Variants in CIMIP6 observed in about 807,000 individuals in gnomAD.
CIMIP6 encodes the protein uncharacterized protein C2orf73.
the CIMIP6 span, among the ~76,000 whole-genome samples, chr2:54,336,128 C>T: frequency 6.6e-6 from 1 of 152,188 alleles, no homozygotes; most frequent in Non-Finnish European, 1.5e-5. Flanking sequence ...CCTACCCTTA[C>T]ACAGTAAATT....
the CIMIP6 span, among the ~76,000 whole-genome samples, chr2:54,354,830 CA>C: frequency 9.2e-5 from 14 of 151,584 alleles, no homozygotes; most frequent in African/African-American, 3.4e-4. Flanking sequence ...TAGTATTCAC[CA>C]GGGGCTCCAT....
the CIMIP6 span, among the ~76,000 whole-genome samples, chr2:54,349,533 AT>A: frequency 6.6e-6 from 1 of 152,236 alleles, no homozygotes; most frequent in East Asian, 1.9e-4. Context: ...CAGAGAGTGG[AT>A]TTCAAACATT....
the CIMIP6 span, among the ~76,000 whole-genome samples, chr2:54,372,402 C>T: frequency 9.9e-5 from 15 of 152,262 alleles, no homozygotes; most frequent in South Asian, 2.1e-3. Flanking sequence ...TGTCACTCAT[C>T]GTGGTGGTTG....
At chr2:54,373,116 T>C in the CIMIP6 span, among the ~76,000 whole-genome samples, 16 of 152,124 alleles carry the variant, frequency 1.1e-4, no homozygotes, top group East Asian at 9.6e-4. Context: ...AACTGGTCTT[T>C]CCAGATGCAC....
chr2:54,349,883 C>G, the CIMIP6 span, among the ~76,000 whole-genome samples: 2 of 147,994 alleles, frequency 1.4e-5, no homozygotes, highest in African/African-American at 5.0e-5. Flanking sequence ...GAGTCTCGCT[C>G]TGTCGCCCAG....
the CIMIP6 span, among the ~76,000 whole-genome samples, chr2:54,381,060 T>C: frequency 1.3e-5 from 2 of 152,268 alleles, no homozygotes; most frequent in South Asian, 4.2e-4. Context: ...ATTCATCTCT[T>C]TGCAGTGAAG....
the CIMIP6 span, among the ~76,000 whole-genome samples, chr2:54,368,439 A>G: frequency 4.6e-5 from 7 of 152,262 alleles, no homozygotes; most frequent in African/African-American, 7.2e-5. Flanking sequence ...TTGGGTTTCA[A>G]TATGAGATTT....
At chr2:54,358,967 G>T in the CIMIP6 span, 1 of 1,524,122 alleles carries the variant, frequency 6.6e-7, no homozygotes, top group Non-Finnish European at 8.8e-7. Context: ...AGTACCACTT[G>T]CCTCTCCTGG....
At chr2:54,372,998 G>C in the CIMIP6 span, among the ~76,000 whole-genome samples, 4 of 152,016 alleles carry the variant, frequency 2.6e-5, no homozygotes, top group South Asian at 8.3e-4. Flanking sequence ...CCACTGCCCC[G>C]CCTTCCATAG....
chr2:54,350,486 G>A, the CIMIP6 span, among the ~76,000 whole-genome samples: 3 of 152,176 alleles, frequency 2.0e-5, no homozygotes, highest in South Asian at 2.1e-4. Context: ...GTCACTCCAC[G>A]TGGTTTCTCC....
At chr2:54,373,654 C>T in the CIMIP6 span, among the ~76,000 whole-genome samples, 1 of 152,144 alleles carries the variant, frequency 6.6e-6, no homozygotes, top group African/African-American at 2.4e-5. Flanking sequence ...ACTTTGCCTC[C>T]TCCTCAAAAA....
chr2:54,338,356 G>GTAAAACAGTAAATTTTTTGTTAGTCTTT, the CIMIP6 span, among the ~76,000 whole-genome samples: 28 of 107,288 alleles, frequency 2.6e-4, 3 homozygotes, highest in South Asian at 7.6e-4. Flanking sequence ...GATGGCTTGA[G>GTAAAACAGTAAATTTTTTGTTAGTCTTT]CTCAGGAGTT....
the CIMIP6 span, among the ~76,000 whole-genome samples, chr2:54,334,096 A>G: frequency 6.6e-6 from 1 of 152,218 alleles, no homozygotes; most frequent in South Asian, 2.1e-4. Context: ...ATTCAAATTC[A>G]TATATTTCAT....
chr2:54,334,491 A>G, the CIMIP6 span, among the ~76,000 whole-genome samples: 2 of 152,234 alleles, frequency 1.3e-5, no homozygotes, highest in East Asian at 1.9e-4. Context: ...CGTGTAACTT[A>G]TCCACACACG....
chr2:54,358,893 A>G, the CIMIP6 span: 1 of 700,358 alleles, frequency 1.4e-6, no homozygotes, highest in Non-Finnish European at 2.4e-6. Context: ...TATATTATTA[A>G]TACTGATTAT....
At chr2:54,362,185 A>G in the CIMIP6 span, among the ~76,000 whole-genome samples, 1 of 152,206 alleles carries the variant, frequency 6.6e-6, no homozygotes, top group Non-Finnish European at 1.5e-5. Flanking sequence ...CTCCCTGGAG[A>G]GAGTTTCATG....
At chr2:54,342,190 C>A in the CIMIP6 span, among the ~76,000 whole-genome samples, 2 of 152,182 alleles carry the variant, frequency 1.3e-5, no homozygotes, top group Admixed American at 6.6e-5. Flanking sequence ...CCAACTCTCT[C>A]ATCAGCTCTT....
the CIMIP6 span, chr2:54,343,744 G>T: frequency 2.3e-5 from 37 of 1,607,144 alleles, no homozygotes; most frequent in Non-Finnish European, 3.1e-5. Context: ...ACATGGTAAA[G>T]CACTGGAACC....
the CIMIP6 span, among the ~76,000 whole-genome samples, chr2:54,346,511 T>C: frequency 4.7e-4 from 71 of 152,300 alleles, 1 homozygote; most frequent in African/African-American, 1.7e-3. Flanking sequence ...ATGGCTGGAA[T>C]AGAATGTTTC....
Sources: gnomAD v4.1 joint callset for allele counts (sites outside exome capture counted in the v4.1 genomes callset) on GRCh38, gnomAD v4.1.1 for gene constraint, MANE v1.5 for transcripts, NCBI Gene and HGNC (gene_info 2026-07-23, HGNC 2026-07-21) for gene names.